ADARB2: variants seen among roughly 807,000 people sequenced by gnomAD.
ADARB2 encodes adenosine deaminase RNA specific B2 (inactive), also known as inactive double-stranded RNA-specific editase B2.
Under a neutral mutation model 62.2 loss-of-function variants are expected in ADARB2, and 25 were observed. That is an observed-to-expected ratio of 0.40 (90% CI 0.29 to 0.56). The LOEUF (loss-of-function observed/expected upper bound fraction) is 0.56. Ranked by LOEUF, ADARB2 falls within the 20% of genes least tolerant of loss-of-function variation. The pLI is 0.43. For missense variants in ADARB2, 1,071 were observed against 1,077.4 expected (o/e 0.99, Z 0.08); for synonymous variants, 572 against 500.8 (o/e 1.14, Z -1.90).
chr10:1,430,020 G>A (rs1229843028), intron 1 of ADARB2, among the ~76,000 whole-genome samples: 1 of 152,182 alleles, frequency 6.6e-6, no homozygotes, highest in Non-Finnish European at 1.5e-5. Context: ...ATTGAAATGA[G>A]TAAAAATCGT....
At chr10:1,282,686 A>G (rs528117530) in intron 3 of ADARB2, among the ~76,000 whole-genome samples, 8 of 152,366 alleles carry the variant, frequency 5.3e-5, no homozygotes, top group Admixed American at 4.6e-4. Context: ...CACTTGGTTT[A>G]CAGGAGAAGC....
Position 1,182,879 on chromosome 10 carries a change from C to G in ADARB2, c.*314G>C. ...CTCCTGCCTGGTGTCGTGTCGGTGC[C>G]TCCTTCCAAGGCTGCAGCTAAAACC... On this transcript the variant is annotated 3_prime_UTR_variant, in exon 10 of 10. Coordinates refer to ENST00000381312, the MANE Select transcript of ADARB2 (RefSeq NM_018702.4). 3.5e-6 allele frequency: 1 copy of G among 286,364 alleles called. No individual in the cohort carries two copies. Among genetic ancestry groups the G allele is most frequent in the Non-Finnish European group, 6.6e-6 (1 of 150,478 alleles). The allele number at this position is 286,364 out of a possible 1,614,324, so 17.7% of individuals were successfully genotyped here. A position where few individuals can be genotyped will look rare whatever the true frequency, so the allele number is the denominator to read the frequency against.
intron 1 of ADARB2, among the ~76,000 whole-genome samples, chr10:1,428,233 A>C (rs1373221737): frequency 6.6e-6 from 1 of 151,354 alleles, no homozygotes; most frequent in African/African-American, 2.4e-5. Flanking sequence ...TCAGCCTCCC[A>C]AAGTGCTGGG....
intron 3 of ADARB2, among the ~76,000 whole-genome samples, chr10:1,289,302 C>A (rs1038002384): frequency 6.6e-6 from 1 of 152,254 alleles, no homozygotes; most frequent in Admixed American, 6.5e-5. Context: ...TGCCTCAATT[C>A]TCTCTAAAAT....
At chr10:1,473,494 C>T (rs756598394) in intron 1 of ADARB2, among the ~76,000 whole-genome samples, 2 of 152,168 alleles carry the variant, frequency 1.3e-5, no homozygotes, top group Non-Finnish European at 2.9e-5. Context: ...ATTCTCCTGC[C>T]TCAGCCTCCT....
chr10:1,429,570 C>A (rs2820651), intron 1 of ADARB2, among the ~76,000 whole-genome samples: 20,272 of 152,172 alleles, frequency 0.13, 1,829 homozygotes, highest in African/African-American at 0.25. Context: ...CTCTGGTACA[C>A]ACATGAAGCC....
intron 1 of ADARB2, among the ~76,000 whole-genome samples, chr10:1,571,715 T>C (rs1445433573): frequency 1.5e-5 from 2 of 137,332 alleles, no homozygotes; most frequent in Admixed American, 7.3e-5. Context: ...GACAGGTGAG[T>C]GTGCTGGTGA....
At chr10:1,275,524 TA>T (rs773272199) in intron 3 of ADARB2, among the ~76,000 whole-genome samples, 1 of 151,430 alleles carries the variant, frequency 6.6e-6, no homozygotes, top group South Asian at 2.1e-4. Flanking sequence ...TCTTTTTTTT[TA>T]ATTTAAGTTT....
chr10:1,259,875 G>T (rs1286472125), intron 4 of ADARB2, among the ~76,000 whole-genome samples: 2 of 152,192 alleles, frequency 1.3e-5, no homozygotes, highest in African/African-American at 2.4e-5. Context: ...CAATATCCTT[G>T]ATGAGCATTG....
At chr10:1,425,644 T>C (rs184199612) in intron 1 of ADARB2, among the ~76,000 whole-genome samples, 10 of 152,352 alleles carry the variant, frequency 6.6e-5, no homozygotes, top group Admixed American at 6.5e-4. Context: ...AAGCAGAACC[T>C]TCCATCTACA....
At chr10:1,723,282 T>A (rs1835119618) in intron 1 of ADARB2, among the ~76,000 whole-genome samples, 1 of 152,232 alleles carries the variant, frequency 6.6e-6, no homozygotes, top group African/African-American at 2.4e-5. Flanking sequence ...AGAGAACATC[T>A]GCTCCTGAGT....
intron 2 of ADARB2, among the ~76,000 whole-genome samples, chr10:1,369,829 T>C (rs1564271727): frequency 6.6e-6 from 1 of 152,208 alleles, no homozygotes; most frequent in East Asian, 1.9e-4. Flanking sequence ...CCACTTTTTG[T>C]ACTTTGTCCC....
intron 1 of ADARB2, among the ~76,000 whole-genome samples, chr10:1,662,385 C>A (rs2119089685): frequency 6.6e-6 from 1 of 152,230 alleles, no homozygotes; most frequent in South Asian, 2.1e-4. Context: ...CGGGGCAGGG[C>A]CCTCGGAGCC....
At chr10:1,415,918 A>G (rs1832797655) in intron 1 of ADARB2, among the ~76,000 whole-genome samples, 1 of 152,204 alleles carries the variant, frequency 6.6e-6, no homozygotes, top group Admixed American at 6.5e-5. Context: ...GTCATATTAT[A>G]GAGCCTGGAT....
chr10:1,208,515 C>T (rs559551613), intron 7 of ADARB2, among the ~76,000 whole-genome samples: 22 of 152,340 alleles, frequency 1.4e-4, no homozygotes, highest in African/African-American at 5.0e-4. Flanking sequence ...GTCCCTGCCT[C>T]CCATTCTCTC....
intron 6 of ADARB2, among the ~76,000 whole-genome samples, chr10:1,220,361 GTGATGA>G (rs547691721): frequency 2.3e-5 from 3 of 128,926 alleles, no homozygotes; most frequent in Non-Finnish European, 3.4e-5. Flanking sequence ...GGTGATGATG[GTGATGA>G]TGATGGTGAT....
At chr10:1,595,466 G>C (rs1444810244) in intron 1 of ADARB2, among the ~76,000 whole-genome samples, 1 of 152,220 alleles carries the variant, frequency 6.6e-6, no homozygotes, top group Non-Finnish European at 1.5e-5. Context: ...AGTCAGATTT[G>C]TATTAGAAAA....
At chr10:1,673,402 T>G (rs1834419047) in intron 1 of ADARB2, among the ~76,000 whole-genome samples, 1 of 151,806 alleles carries the variant, frequency 6.6e-6, no homozygotes, top group African/African-American at 2.4e-5. Context: ...AGTCTGGGAC[T>G]TAAAATATCC....
At chr10:1,608,762 AAGAAAG>A (rs1197697300) in intron 1 of ADARB2, among the ~76,000 whole-genome samples, 15 of 144,668 alleles carry the variant, frequency 1.0e-4, no homozygotes, top group South Asian at 2.3e-4. Context: ...GAAGGAAGGA[AAGAAAG>A]AGAAAGAGAA....
Sources: allele counts gnomAD v4.1 joint callset (sites outside exome capture counted in the v4.1 genomes callset), GRCh38; gene constraint gnomAD v4.1.1; transcripts MANE v1.5; gene names NCBI Gene and HGNC (gene_info 2026-07-23, HGNC 2026-07-21).